The following MAGEC3 variants were observed in gnomAD, a reference collection of about 807,000 sequenced individuals.
The protein encoded by MAGEC3 is MAGE family member C3, also known as melanoma-associated antigen C3.
A neutral mutation model predicts 35.3 loss-of-function variants in MAGEC3; 34 were observed. The observed-to-expected ratio is 0.96, with a 90% CI of 0.73 to 1.28. MAGEC3 has a LOEUF of 1.28. Ranked by LOEUF, MAGEC3 falls within the 50% of genes most tolerant of loss-of-function variation. The pLI is 0.00. For missense variants in MAGEC3, 561 were observed against 483.6 expected (o/e 1.16, Z -1.50); for synonymous variants, 202 against 185.6 (o/e 1.09, Z -0.72).
At chrX:141,879,524 G>T in intron 3 of MAGEC3, 93 bp downstream of exon 3, 4 of 1,043,742 alleles carry the variant, frequency 3.8e-6, no homozygotes, top group Non-Finnish European at 5.1e-6. Flanking sequence ...AAAGGGTCGG[G>T]GAGGTAGGCA....
chrX:141,880,610 G>A, intron 3 of MAGEC3: 5 of 375,222 alleles, frequency 1.3e-5, no homozygotes, highest in Non-Finnish European at 2.2e-5. Context: ...CAAGGTGAGT[G>A]CACGCCCTGA....
chrX:141,883,633 T>C (rs111883509), intron 4 of MAGEC3, among the ~76,000 whole-genome samples: 2,023 of 112,353 alleles, frequency 0.018, 41 homozygotes, highest in African/African-American at 0.061. Context: ...TATATGATAT[T>C]TGTAGTAACA....
rs1311630877 is a variant in MAGEC3 at position 141,897,491 on chromosome X, G to A, written c.1728+5G>A. 1 of 1,201,439 alleles carries A rather than the reference G, an allele frequency of 8.3e-7. No individual in the cohort carries two copies. The highest frequency in any genetic ancestry group is 1.8e-5 in the South Asian group (1 of 54,527). ...GAAGTGTTGAGTGCAATAGGGGTGT[G>A]TGCTGGGAGGGAGCACTTTATATAT... On this transcript the variant is annotated splice_donor_5th_base_variant and intron_variant, in intron 7 of 7. Transcript: ENST00000298296.
chrX:141,838,737 G>T (rs774069819), intron 1 of MAGEC3: 85 of 751,654 alleles, frequency 1.1e-4, no homozygotes, highest in Non-Finnish European at 1.3e-4. Flanking sequence ...CTGCAGTGGT[G>T]CCTCATTTGT....
At chrX:141,875,165 G>A (rs1057235272) in intron 2 of MAGEC3, among the ~76,000 whole-genome samples, 4 of 111,327 alleles carry the variant, frequency 3.6e-5, no homozygotes, top group Admixed American at 1.9e-4. Context: ...GAACCACAGA[G>A]GTAGTAATGG....
rs180990367 is a variant in MAGEC3 at position 141,844,050 on chromosome X, G to A, written c.123+5612G>A. ...TTGTCCCTGATTTTGAAGCTTATAC[G>A]TATCATGTCATACTGTGTAAGTTAT... On this transcript the variant is annotated intron_variant, in intron 1 of 7. Transcript: ENST00000298296. Among the ~76,000 whole-genome samples, 11 of 110,355 alleles carry A rather than the reference G, an allele frequency of 1.0e-4. No individual in the cohort carries two copies. In the East Asian group the frequency reaches 2.9e-3, roughly 29 times the overall value.
rs150590021 is a variant in MAGEC3, at chrX:141,884,678, T to C, written c.909+2882T>C. ...ATTCTAATGGCGTGGAGAACACCGA[T>C]AGCCTTTGGCGTGAACTGTTTAGAG... On this transcript the variant is annotated intron_variant, in intron 4 of 7. Transcript: ENST00000298296. 4.8e-3 allele frequency among the ~76,000 whole-genome samples: 538 copies of C among 111,694 alleles called. 2 individuals carry two copies. Among genetic ancestry groups the C allele is most frequent in the African/African-American group, 0.017 (517 of 30,737 alleles).
intron 1 of MAGEC3, among the ~76,000 whole-genome samples, chrX:141,849,802 T>G (rs1351083914): frequency 1.8e-5 from 2 of 111,357 alleles, no homozygotes; most frequent in African/African-American, 6.5e-5. Context: ...GAATGAAAAT[T>G]TCTTCAGCCA....
At chrX:141,862,522 C>T (rs1163516711) in intron 1 of MAGEC3, among the ~76,000 whole-genome samples, 2 of 112,307 alleles carry the variant, frequency 1.8e-5, no homozygotes, top group South Asian at 3.6e-4. Context: ...AGCAAAGATA[C>T]AGATTCTACC....
chrX:141,852,684 C>T (rs1234650243), intron 1 of MAGEC3, among the ~76,000 whole-genome samples: 3 of 110,499 alleles, frequency 2.7e-5, no homozygotes, highest in Admixed American at 9.7e-5. Context: ...TTTCTTTCCA[C>T]GTCTATTAAG....
At position 141,853,254 on chromosome X, in the gene MAGEC3, C is replaced by T. The variant is rs775169366; in HGVS notation, c.124-12217C>T. The stretch of plus-strand genomic sequence containing the variant: ...TGGCAAAGCTAGGTTCCTGGTCAAT[C>T]GTGCTCCAAGATGCATGTCAGTTTT... On this transcript the variant is annotated intron_variant, in intron 1 of 7. Coordinates refer to ENST00000298296, the MANE Select transcript of MAGEC3 (RefSeq NM_138702.1). 6.3e-5 allele frequency among the ~76,000 whole-genome samples: 7 copies of T among 111,382 alleles called. 1 individual carries two copies. Among genetic ancestry groups the T allele is most frequent in the African/African-American group, 2.0e-4 (6 of 30,713 alleles).
chrX:141,838,724 G>A (rs781424442), intron 1 of MAGEC3: 935 of 752,135 alleles, frequency 1.2e-3, no homozygotes, highest in Non-Finnish European at 1.4e-3. Context: ...CGGGGGTGAG[G>A]CTCTGCAGTG....
At chrX:141,842,370 A>T (rs2017691125) in intron 1 of MAGEC3, among the ~76,000 whole-genome samples, 1 of 111,622 alleles carries the variant, frequency 9.0e-6, no homozygotes, top group Non-Finnish European at 1.9e-5. Context: ...ATTTTATGGA[A>T]TTTCAGATGT....
chrX:141,890,274 G>A (rs982829034), intron 4 of MAGEC3, among the ~76,000 whole-genome samples: 2 of 110,959 alleles, frequency 1.8e-5, no homozygotes, highest in African/African-American at 6.6e-5. Context: ...GTGTGAACTC[G>A]GCTCACTGCG....
intron 6 of MAGEC3, 171 bp from the exon 7 acceptor site, chrX:141,896,711 G>A: frequency 1.7e-6 from 2 of 1,211,793 alleles, no homozygotes; most frequent in Non-Finnish European, 2.2e-6. Context: ...CAGAACCCGA[G>A]TGTGACAGAG....
chrX:141,871,057 A>T (rs2017884276), intron 2 of MAGEC3, among the ~76,000 whole-genome samples: 2 of 112,636 alleles, frequency 1.8e-5, no homozygotes, highest in African/African-American at 3.2e-5. Context: ...TGCCTTAAAG[A>T]TGTTTGATTT....
chrX:141,865,575 T>C lies in MAGEC3; in HGVS notation c.228T>C (p.Asp76=), dbSNP rs770413070. ...LRGGTSDQRM[D]SLVLCPTYFK... Reference sequence around the variant, plus strand: ...GTGGAACTTCAGATCAGCGAATGGATAGTCTTGTCCTCTGCCCCACATACT... The same window carrying C: ...GTGGAACTTCAGATCAGCGAATGGACAGTCTTGTCCTCTGCCCCACATACT... The change falls in exon 2 of 8, where the codon GAT becomes GAC. Residue 76 remains aspartate, a synonymous_variant. Transcript: ENST00000298296. The C allele has an allele frequency of 1.5e-5, 18 of 1,208,127 alleles. No homozygotes were observed. The highest frequency in any genetic ancestry group is 2.0e-5 in the Non-Finnish European group (18 of 894,340).
In MAGEC3 at chrX:141,859,523, G is replaced by A. The variant is rs761662794; in HGVS notation, c.124-5948G>A. On this transcript the variant is annotated intron_variant, in intron 1 of 7. Transcript: ENST00000298296. ...CATTACAGATATTAATCTTTTGTCC[G>A]TTATCTGTATTTTAAAAATATATAT... is the stretch of plus-strand genomic sequence containing the variant. Among the ~76,000 whole-genome samples the A allele has an allele frequency of 1.5e-4, 17 of 111,366 alleles. No individual in the cohort carries two copies. In the East Asian group the frequency reaches 3.4e-3, roughly 22 times the overall value.
chrX:141,874,768 A>C (rs1447063754), intron 2 of MAGEC3, among the ~76,000 whole-genome samples: 1 of 108,981 alleles, frequency 9.2e-6, no homozygotes, highest in Non-Finnish European at 1.9e-5. Flanking sequence ...AAATACACTC[A>C]CTCTAGAAAC....
Sources: allele counts gnomAD v4.1 joint callset (sites outside exome capture counted in the v4.1 genomes callset), GRCh38; gene constraint gnomAD v4.1.1; transcripts MANE v1.5; gene names NCBI Gene and HGNC (gene_info 2026-07-23, HGNC 2026-07-21).